The following ASCC2 variants were observed in gnomAD, a reference collection of about 807,000 sequenced individuals.
ASCC2 encodes ASC-1 complex subunit P100.
In ASCC2, 42 loss-of-function variants were observed where a neutral mutation model predicts 93.5. The observed-to-expected ratio is 0.45, with a 90% CI of 0.35 to 0.58. The LOEUF (loss-of-function observed/expected upper bound fraction) is 0.58. ASCC2 is among the 20% of genes least tolerant of loss of function. ASCC2 has a pLI of 0.00. For synonymous variants in ASCC2, 364 were observed against 384.2 expected (o/e 0.95, Z 0.62); for missense variants, 859 against 977.6 (o/e 0.88, Z 1.62).
In ASCC2 at chr22:29,793,407, C is replaced by A; in HGVS notation, c.1872G>T (p.Gln624His). Residue 624 changes from glutamine to histidine, a missense_variant, in exon 17 of 20, where the codon CAG (glutamine) becomes CAT (histidine). Coordinates refer to ENST00000307790, the MANE Select transcript of ASCC2 (RefSeq NM_032204.5). ...DEYDDTYDGN[Q>H]VGANDADSDD... ...CAGAGTCTGCATCATTGGCGCCCAC[C>A]TGGTTGCCATCGTATGTGTCATCGT... 4 of 1,614,064 alleles carry A rather than the reference C, an allele frequency of 2.5e-6. No homozygotes were observed. The highest frequency in any genetic ancestry group is 3.4e-6 in the Non-Finnish European group (4 of 1,180,042).
intron 2 of ASCC2, among the ~76,000 whole-genome samples, chr22:29,831,837 A>G (rs73394839): frequency 0.016 from 2,467 of 152,246 alleles, 66 homozygotes; most frequent in African/African-American, 0.057. Context: ...AACCTCTGAA[A>G]TCAGCGTTCC....
intron 15 of ASCC2, among the ~76,000 whole-genome samples, chr22:29,800,784 G>A (rs1361596993): frequency 1.3e-5 from 2 of 152,164 alleles, no homozygotes; most frequent in Non-Finnish European, 2.9e-5. Context: ...TTCACTAACA[G>A]CCTCCCTGCA....
intron 17 of ASCC2, 109 bp from the exon 18 acceptor site, chr22:29,792,644 G>GA: frequency 6.8e-7 from 1 of 1,464,536 alleles, no homozygotes; most frequent in Non-Finnish European, 9.3e-7. Context: ...GAGGGCTCAG[G>GA]AGGTTGGGAA....
chr22:29,808,270 G>A, intron 8 of ASCC2, 85 bp from the exon 9 acceptor site: 1 of 1,366,642 alleles, frequency 7.3e-7, no homozygotes, highest in Admixed American at 1.9e-5. Flanking sequence ...CCCAGGGAGT[G>A]GGAAGGCCCA....
intron 19 of ASCC2, 125 bp from the exon 20 acceptor site, chr22:29,789,309 C>G: frequency 8.6e-7 from 1 of 1,160,416 alleles, no homozygotes; most frequent in African/African-American, 1.5e-5. Context: ...ACTCATGTCC[C>G]AACTTCAGAT....
intron 13 of ASCC2, 119 bp from the exon 14 acceptor site, chr22:29,802,327 T>C: frequency 2.1e-6 from 2 of 971,246 alleles, no homozygotes; most frequent in Non-Finnish European, 1.5e-6. Context: ...GGATTACCCC[T>C]CCTGCCTGTG....
chr22:29,815,045 C>G (rs916065450), intron 6 of ASCC2: 1 of 306,256 alleles, frequency 3.3e-6, no homozygotes, highest in African/African-American at 2.3e-5. Context: ...CCTGTATCCC[C>G]AAACTTTGGG....
intron 8 of ASCC2, among the ~76,000 whole-genome samples, chr22:29,813,077 C>T (rs1387523365): frequency 6.6e-6 from 1 of 152,134 alleles, no homozygotes; most frequent in East Asian, 1.9e-4. Flanking sequence ...GATGGGGTGT[C>T]ACCATATTGG....
intron 2 of ASCC2, among the ~76,000 whole-genome samples, chr22:29,829,026 C>T (rs931471501): frequency 6.6e-6 from 1 of 151,914 alleles, no homozygotes; most frequent in Non-Finnish European, 1.5e-5. Context: ...AAATACAAAA[C>T]TTAGCCAGGT....
Position 29,791,280 on chromosome 22 carries a change from G to T in ASCC2, c.2023-732C>A, listed in dbSNP as rs548449394. On this transcript the variant is annotated intron_variant, in intron 18 of 19. Coordinates refer to ENST00000307790, the MANE Select transcript of ASCC2 (RefSeq NM_032204.5). The stretch of plus-strand genomic sequence containing the variant: ...TAATCCCAGCTACTAGGGAAGCTGA[G>T]GTGGGAGGATTGCTTGGGCCCAGGA... Among the ~76,000 whole-genome samples, 3 of 152,280 alleles carry T rather than the reference G, an allele frequency of 2.0e-5. No individual in the cohort carries two copies. The East Asian group carries it at 5.8e-4, about 29-fold the overall frequency.
chr22:29,822,405 G>A lies in ASCC2; in HGVS notation c.471C>T (p.Asp157=). The A allele has an allele frequency of 6.2e-7, 1 of 1,614,038 alleles. No homozygotes were observed. The highest frequency in any genetic ancestry group is 8.5e-7 in the Non-Finnish European group (1 of 1,179,942). ...CGCAGAGGTCCAGGATCTTTGGAAT[G>A]TCAAAGAGGAAGTTATTGTAGAGGA... ...GEILYNNFLF[D]IPKILDLCVL... Residue 157 remains aspartate (D), a synonymous_variant, in exon 5 of 20, where the codon GAC becomes GAT. Transcript: ENST00000307790.
In ASCC2 at chr22:29,814,664, G is replaced by C. The variant is rs1235592778; in HGVS notation, c.713C>G (p.Pro238Arg). Residue 238 changes from proline to arginine, a missense_variant, in exon 7 of 20, where the codon CCT (proline) becomes CGT (arginine). Transcript: ENST00000307790. ...ERGRLTPSDMPLLELKDIVLY... is the reference protein window; with the variant it reads ...ERGRLTPSDMRLLELKDIVLY... Reference sequence around the variant, plus strand: ...GCCGAAGGGCAACCTTACCAGGAGAGGCATGTCACTGGGGGTCAATCGGCC... The same window carrying C: ...GCCGAAGGGCAACCTTACCAGGAGACGCATGTCACTGGGGGTCAATCGGCC... 2 of 1,598,366 alleles carry C rather than the reference G, an allele frequency of 1.3e-6. No homozygotes were observed. Among genetic ancestry groups the C allele is most frequent in the Non-Finnish European group, 1.7e-6 (2 of 1,174,010 alleles).
intron 7 of ASCC2, among the ~76,000 whole-genome samples, chr22:29,814,415 A>C (rs181840302): frequency 1.3e-5 from 2 of 152,370 alleles, no homozygotes; most frequent in East Asian, 3.9e-4. Flanking sequence ...CTGAATCCTT[A>C]TTCCCCAGTT....
intron 5 of ASCC2, among the ~76,000 whole-genome samples, chr22:29,820,780 C>A (rs2061454899): frequency 6.6e-6 from 1 of 151,856 alleles, no homozygotes; most frequent in Admixed American, 6.6e-5. Context: ...ACTAAAAATA[C>A]CTGTAATCCC....
intron 4 of ASCC2, among the ~76,000 whole-genome samples, chr22:29,824,118 G>C (rs2061964549): frequency 6.6e-6 from 1 of 152,158 alleles, no homozygotes; most frequent in Non-Finnish European, 1.5e-5. Flanking sequence ...GAGCTCAGGA[G>C]TTTGAGGCTG....
chr22:29,789,100 C>CTTCCTGCG lies in ASCC2; in HGVS notation c.2179_2186dup (p.Lys729AsnfsTer29). ...CTCTTGTCGCCTTGTTGGCTTCCTTCTTCCTGCGTTCCTGGGTTGTCTCGC... is the reference window on the plus strand; with the variant it reads ...CTCTTGTCGCCTTGTTGGCTTCCTTCTTCCTGCGTTCCTGCGTTCCTGGGTTGTCTCGC... On this transcript the variant is annotated frameshift_variant, in exon 20 of 20. Transcript: ENST00000307790. LOFTEE classifies it high-confidence loss of function. 1 of 1,614,216 alleles carries CTTCCTGCG rather than the reference C, an allele frequency of 6.2e-7. No individual in the cohort carries two copies. Among genetic ancestry groups the CTTCCTGCG allele is most frequent in the Non-Finnish European group, 8.5e-7 (1 of 1,180,038 alleles).
chr22:29,835,336 T>C (rs1037964377), intron 1 of ASCC2, among the ~76,000 whole-genome samples: 14 of 151,802 alleles, frequency 9.2e-5, no homozygotes, highest in Admixed American at 2.0e-4. Context: ...AGATCAAGGC[T>C]GCAGTAAGCC....
At chr22:29,822,713 T>A (rs1266440797) in intron 4 of ASCC2, among the ~76,000 whole-genome samples, 1 of 146,338 alleles carries the variant, frequency 6.8e-6, no homozygotes, top group Non-Finnish European at 1.5e-5. Context: ...TGTATTATCA[T>A]GTCTTTTTTT....
At chr22:29,827,580 C>A (rs1453770133) in intron 2 of ASCC2, 1 of 470,950 alleles carries the variant, frequency 2.1e-6, no homozygotes, top group Admixed American at 2.4e-5. Flanking sequence ...AAATTTGTAT[C>A]ATGGAGTTAC....
Sources: allele counts gnomAD v4.1 joint callset (sites outside exome capture counted in the v4.1 genomes callset), GRCh38; gene constraint gnomAD v4.1.1; transcripts MANE v1.5; gene names NCBI Gene and HGNC (gene_info 2026-07-23, HGNC 2026-07-21).